DHX40: variants seen among roughly 807,000 people sequenced by gnomAD.
DHX40 encodes the protein probable ATP-dependent RNA helicase DHX40.
DHX40 carries 28 observed loss-of-function variants against 89.6 expected under a neutral mutation model. The ratio of observed to expected loss-of-function variants is 0.31; its 90% CI spans 0.23 to 0.43. The LOEUF (loss-of-function observed/expected upper bound fraction) is 0.43. Among genes scored for constraint, DHX40 ranks in the 20% least tolerant of loss-of-function variants. The probability of loss-of-function intolerance (pLI) is 1.00; values close to 1 mark genes in which losing one functional copy is unlikely to be tolerated. For synonymous variants in DHX40, 226 were observed against 283.6 expected (o/e 0.80, Z 2.04); for missense variants, 457 against 844.0 (o/e 0.54, Z 5.68).
At chr17:59,598,905 A>G (rs1255044925) in intron 13 of DHX40, 54 bp downstream of exon 13, 17 of 1,312,976 alleles carry the variant, frequency 1.3e-5, no homozygotes, top group South Asian at 2.4e-5. Flanking sequence ...TATAGTTCCA[A>G]TACGTACTTA....
intron 3 of DHX40, among the ~76,000 whole-genome samples, chr17:59,572,659 G>A (rs774429403): frequency 7.2e-5 from 11 of 152,220 alleles, no homozygotes; most frequent in Non-Finnish European, 1.3e-4. Flanking sequence ...GATTACAGGC[G>A]TGAGCTACCG....
rs1317604159 is a variant in DHX40, at chr17:59,600,996, C to A, written c.1806+1513C>A. On this transcript the variant is annotated intron_variant, in intron 14 of 17. Coordinates refer to ENST00000251241, the MANE Select transcript of DHX40 (RefSeq NM_024612.5). ...CCCATACTATAATAAAACTCCATAA[C>A]CATTCAACAATAACTCCCCATTCCC... is the stretch of plus-strand genomic sequence containing the variant. 2.0e-5 allele frequency among the ~76,000 whole-genome samples: 3 copies of A among 151,388 alleles called. No homozygotes were observed. In the East Asian group the frequency reaches 5.8e-4, roughly 29 times the overall value.
rs1424461855 is a variant in DHX40, at chr17:59,565,811, C to T, written c.112+28C>T. 7 of 1,565,786 alleles carry T rather than the reference C, an allele frequency of 4.5e-6. No individual in the cohort carries two copies. In the Admixed American group the frequency reaches 1.2e-4, roughly 28 times the overall value. ...GCGGTCCGCGGGACGGTACGGAAGC[C>T]AGCGGGAGTTACGGCGTGGGGGTTT... is the stretch of plus-strand genomic sequence containing the variant. On this transcript the variant is annotated intron_variant, in intron 1 of 17. Coordinates refer to ENST00000251241, the MANE Select transcript of DHX40 (RefSeq NM_024612.5).
At chr17:59,566,081 T>TCC (rs34317264) in intron 1 of DHX40, among the ~76,000 whole-genome samples, 2 of 151,574 alleles carry the variant, frequency 1.3e-5, no homozygotes, top group Non-Finnish European at 2.9e-5. Flanking sequence ...TACCCATTCA[T>TCC]CCCCCCCACC....
intron 2 of DHX40, 28 bp downstream of exon 2, chr17:59,566,822 A>G (rs754520733): frequency 5.2e-6 from 8 of 1,539,920 alleles, no homozygotes; most frequent in African/African-American, 1.4e-5. Flanking sequence ...TAATAATTGG[A>G]AATATTTTAA....
intron 10 of DHX40, among the ~76,000 whole-genome samples, chr17:59,585,331 C>T (rs1377718099): frequency 1.5e-5 from 2 of 132,160 alleles, no homozygotes; most frequent in Admixed American, 7.6e-5. Flanking sequence ...ACCCAGGAGA[C>T]GGAGGTTGTA....
chr17:59,566,592 A>C (rs1193724237), intron 1 of DHX40, 35 bp from the exon 2 acceptor site: 6 of 1,546,768 alleles, frequency 3.9e-6, no homozygotes, highest in African/African-American at 1.4e-5. Flanking sequence ...TATCTTTACA[A>C]GTCTTTTAAT....
chr17:59,573,882 T>C lies in DHX40; in HGVS notation c.689T>C (p.Ile230Thr). ...TTTGGAAATTGTCCAATATTTGATA[T>C]ACCTGGAAGGCTTTATCCAGTCAGA... is the stretch of plus-strand genomic sequence containing the variant. ...AFFGNCPIFD[I>T]PGRLYPVREK... is the part of the protein sequence containing the mutation. Residue 230 changes from isoleucine (I) to threonine (T), a missense_variant, in exon 5 of 18, where the codon ATA becomes ACA. This residue lies in a region of DHX40 where 116 missense variants were observed against 188.9 expected (regional missense o/e 0.61). Coordinates refer to ENST00000251241, the MANE Select transcript of DHX40 (RefSeq NM_024612.5). The C allele has an allele frequency of 6.2e-7, 1 of 1,611,468 alleles. No individual in the cohort carries two copies. The highest frequency in any genetic ancestry group is 1.1e-5 in the South Asian group (1 of 90,896).
At chr17:59,570,693 T>G in intron 3 of DHX40, 30 bp downstream of exon 3, 1 of 1,590,584 alleles carries the variant, frequency 6.3e-7, no homozygotes. Context: ...ATTTGTTTCT[T>G]TTCTTTTATG....
chr17:59,594,379 TCCCC>T (rs2049122649), intron 12 of DHX40, among the ~76,000 whole-genome samples: 1 of 151,432 alleles, frequency 6.6e-6, no homozygotes, highest in Non-Finnish European at 1.5e-5. Context: ...GATAATCCTT[TCCCC>T]ATCCTTTCCT....
intron 17 of DHX40, among the ~76,000 whole-genome samples, chr17:59,606,485 G>T (rs1048775058): frequency 2.6e-5 from 4 of 152,094 alleles, no homozygotes; most frequent in African/African-American, 9.7e-5. Context: ...GGTGGCTCAC[G>T]CCTGTAATCC....
At chr17:59,587,197 A>T (rs1354699427) in intron 11 of DHX40, among the ~76,000 whole-genome samples, 5 of 147,902 alleles carry the variant, frequency 3.4e-5, no homozygotes, top group African/African-American at 1.0e-4. Flanking sequence ...TAAAATTATT[A>T]TTCTCTCATG....
At chr17:59,570,745 G>A (rs751783103) in intron 3 of DHX40, 82 bp downstream of exon 3, 41 of 1,398,138 alleles carry the variant, frequency 2.9e-5, no homozygotes, top group Admixed American at 1.6e-4. Context: ...AGTGCGTGGC[G>A]CAATCATGGC....
Position 59,581,839 on chromosome 17 carries a change from A to G in DHX40, c.1343+1960A>G, listed in dbSNP as rs531899204. ...CTCATTGTATACTCTTGGAAAGCCA[A>G]TTTGCCAATTTCAAAATGTTTTGAT... On this transcript the variant is annotated intron_variant, in intron 10 of 17. Coordinates refer to ENST00000251241, the MANE Select transcript of DHX40 (RefSeq NM_024612.5). 3.2e-5 allele frequency among the ~76,000 whole-genome samples: 4 copies of G among 124,366 alleles called. 1 individual carries two copies. The highest frequency in any genetic ancestry group is 2.4e-4 in the Admixed American group (3 of 12,534). The allele number at this position is 124,366 out of a possible 152,430, so 81.6% of individuals were successfully genotyped here.
intron 3 of DHX40, among the ~76,000 whole-genome samples, chr17:59,572,454 C>T (rs1007889278): frequency 6.6e-6 from 1 of 152,200 alleles, no homozygotes; most frequent in Non-Finnish European, 1.5e-5. Flanking sequence ...TCTCAGCTCA[C>T]TGCAATCTCC....
chr17:59,572,601 A>G (rs887434846), intron 3 of DHX40, among the ~76,000 whole-genome samples: 5 of 152,028 alleles, frequency 3.3e-5, no homozygotes, highest in African/African-American at 1.2e-4. Flanking sequence ...CTGGTCTCGA[A>G]CTCCTGGACT....
rs767998768 is a variant in DHX40 at position 59,577,289 on chromosome 17, C to T, written c.997C>T (p.Pro333Ser). 59 of 1,613,532 alleles carry T rather than the reference C, an allele frequency of 3.7e-5. No homozygotes were observed. Among genetic ancestry groups the T allele is most frequent in the Non-Finnish European group, 4.8e-5 (57 of 1,179,684 alleles). Reference protein sequence around the residue: ...TTDQQRRIFLPPPPGIRKCVI... With the variant: ...TTDQQRRIFLSPPPGIRKCVI... ...AGATCAACAGAGGAGGATATTTTTG[C>T]CACCACCACCTGGAATTAGAAAATG... Residue 333 changes from proline (P) to serine (S), a missense_variant, in exon 8 of 18, where the codon CCA (proline) becomes TCA (serine). Pro to Ser is a moderately conservative substitution (Grantham distance 74). Coordinates refer to ENST00000251241, the MANE Select transcript of DHX40 (RefSeq NM_024612.5).
chr17:59,577,158 C>T (rs1421288288), intron 7 of DHX40, 108 bp from the exon 8 acceptor site: 1 of 926,944 alleles, frequency 1.1e-6, no homozygotes. Context: ...CGTGAGTCAC[C>T]ACGCCCGGCC....
intron 3 of DHX40, among the ~76,000 whole-genome samples, chr17:59,571,072 G>A (rs2048800600): frequency 6.6e-6 from 1 of 152,070 alleles, no homozygotes; most frequent in African/African-American, 2.4e-5. Context: ...TTCTTGACAT[G>A]TAGGTTTTTA....
Sources: gnomAD v4.1 joint callset for allele counts (sites outside exome capture counted in the v4.1 genomes callset) on GRCh38, gnomAD v4.1.1 for gene constraint, gnomAD v4.1.1 regional missense constraint, MANE v1.5 for transcripts, NCBI Gene and HGNC (gene_info 2026-07-23, HGNC 2026-07-21) for gene names.